The following SLC22A5 variants were observed in gnomAD, a reference collection of about 807,000 sequenced individuals.
SLC22A5 encodes the protein solute carrier family 22 member 5, also known as organic cation/carnitine transporter 2.
Under a neutral mutation model 56.7 loss-of-function variants are expected in SLC22A5, and 44 were observed. The ratio of observed to expected loss-of-function variants is 0.78; its 90% CI spans 0.61 to 1.00. SLC22A5 has a LOEUF of 1.00. SLC22A5 is among the 50% of genes least tolerant of loss of function. The pLI, the probability that SLC22A5 is intolerant of heterozygous loss-of-function variation, is 0.00. For missense variants in SLC22A5, 675 were observed against 723.0 expected (o/e 0.93, Z 0.76); for synonymous variants, 278 against 292.1 (o/e 0.95, Z 0.49).
intron 1 of SLC22A5, among the ~76,000 whole-genome samples, chr5:132,371,548 A>G (rs868766219): frequency 3.9e-5 from 6 of 152,150 alleles, no homozygotes; most frequent in Non-Finnish European, 8.8e-5. Flanking sequence ...TTTTTTAGAC[A>G]CTGGCACTCT....
chr5:132,391,513 CAGAA>C (rs1752701257), intron 7 of SLC22A5, among the ~76,000 whole-genome samples: 1 of 152,110 alleles, frequency 6.6e-6, no homozygotes, highest in Admixed American at 6.5e-5. Context: ...CATAAAGTGA[CAGAA>C]AGCCCTGAAA....
At chr5:132,393,312 A>G (rs1177703977) in intron 8 of SLC22A5, among the ~76,000 whole-genome samples, 1 of 152,192 alleles carries the variant, frequency 6.6e-6, no homozygotes, top group Non-Finnish European at 1.5e-5. Context: ...GAGGTGGAAG[A>G]GTTATTTCCA....
Position 132,370,270 on chromosome 5 carries a change from G to C in SLC22A5, c.298G>C (p.Gly100Arg), listed in dbSNP as rs779263168. The C allele has an allele frequency of 4.4e-6, 7 of 1,596,162 alleles. No homozygotes were observed. Among genetic ancestry groups the C allele is most frequent in the Middle Eastern group, 1.7e-4 (1 of 6,050 alleles). Residue 100 changes from glycine to arginine, a missense_variant, in exon 1 of 10, where the codon GGG becomes CGG. By Grantham distance (125) the Gly-to-Arg change is moderately radical. Coordinates refer to ENST00000245407, the MANE Select transcript of SLC22A5 (RefSeq NM_003060.4). ...ANFSALGLEP[G>R]RDVDLGQLEQ... Reference sequence around the variant, plus strand: ...CTTCTCGGCGCTTGGGCTGGAGCCGGGGCGCGACGTGGACCTGGGGCAGCT... The same window carrying C: ...CTTCTCGGCGCTTGGGCTGGAGCCGCGGCGCGACGTGGACCTGGGGCAGCT...
intron 6 of SLC22A5, chr5:132,390,489 G>T: frequency 1.5e-6 from 1 of 664,366 alleles, no homozygotes; most frequent in Non-Finnish European, 2.7e-6. Context: ...ACTGGCGCAG[G>T]GTTTACACTG....
intron 8 of SLC22A5, 43 bp from the exon 9 acceptor site, chr5:132,393,633 T>A (rs1331010096): frequency 1.2e-6 from 2 of 1,613,028 alleles, no homozygotes; most frequent in Non-Finnish European, 1.7e-6. Context: ...AGACCAAGTC[T>A]AACTGCAGCC....
At chr5:132,394,131 T>G in intron 9 of SLC22A5, 54 bp from the exon 10 acceptor site, 1 of 1,137,548 alleles carries the variant, frequency 8.8e-7, no homozygotes, top group Non-Finnish European at 1.3e-6. Context: ...GTTTGGAGAC[T>G]GGGAGGCATC....
intron 6 of SLC22A5, chr5:132,389,247 A>C (rs1403116913): frequency 3.8e-6 from 2 of 528,344 alleles, no homozygotes; most frequent in Non-Finnish European, 6.9e-6. Flanking sequence ...GTTGTGGGAA[A>C]TATGGACTCT....
rs977581326 is a variant in SLC22A5 at position 132,395,492 on chromosome 5, A to G, written c.*1220A>G. 1 of 152,808 alleles carries G rather than the reference A, an allele frequency of 6.5e-6. No individual in the cohort carries two copies. The highest frequency in any genetic ancestry group is 1.5e-5 in the Non-Finnish European group (1 of 68,036). The allele number at this position is 152,808 out of a possible 1,614,324, so 9.5% of individuals were successfully genotyped here. ...TCTTCTCTTTGCTGATTATGTTACC[A>G]TGGTACTCCTAAAGCATATGCCTCA... On this transcript the variant is annotated 3_prime_UTR_variant, in exon 10 of 10. Transcript: ENST00000245407.
At chr5:132,370,434 C>G in intron 1 of SLC22A5, 69 bp downstream of exon 1, 1 of 1,528,324 alleles carries the variant, frequency 6.5e-7, no homozygotes, top group Non-Finnish European at 8.9e-7. Context: ...TGAACCCGAG[C>G]TCCTCTCTCC....
chr5:132,374,389 A>G (rs989522134), intron 1 of SLC22A5, among the ~76,000 whole-genome samples: 36 of 152,060 alleles, frequency 2.4e-4, no homozygotes, highest in Admixed American at 6.5e-5. Flanking sequence ...AGAGACAGAT[A>G]GTCTTAGAAG....
rs774293063 is a variant in SLC22A5 at position 132,370,221 on chromosome 5, C to T, written c.249C>T (p.Arg83=). ...GCGAGGTGCCCCACAGCTGCCGCCG[C>T]TACCGGCTCGCCACCATCGCCAACT... ...DGREVPHSCR[R]YRLATIANFS... Residue 83 remains arginine (R), a synonymous_variant, in exon 1 of 10, where the codon CGC becomes CGT. Coordinates refer to ENST00000245407, the MANE Select transcript of SLC22A5 (RefSeq NM_003060.4). The T allele has an allele frequency of 6.3e-7, 1 of 1,580,034 alleles. No homozygotes were observed. Among genetic ancestry groups the T allele is most frequent in the South Asian group, 1.1e-5 (1 of 87,816 alleles).
chr5:132,378,234 A>C (rs1167803582), intron 1 of SLC22A5, 144 bp from the exon 2 acceptor site: 1 of 1,613,964 alleles, frequency 6.2e-7, no homozygotes, highest in Admixed American at 1.7e-5. Flanking sequence ...CTTCCTGCCC[A>C]GGTGAGCCAT....
chr5:132,375,448 G>A (rs1329107778), intron 1 of SLC22A5, among the ~76,000 whole-genome samples: 6 of 152,128 alleles, frequency 3.9e-5, no homozygotes, highest in Non-Finnish European at 7.4e-5. Context: ...CATCCCCTCA[G>A]GGAAGAACTT....
At chr5:132,374,764 A>T (rs1235318525) in intron 1 of SLC22A5, among the ~76,000 whole-genome samples, 1 of 152,016 alleles carries the variant, frequency 6.6e-6, no homozygotes. Flanking sequence ...GAGCCAAAAA[A>T]AAAAAAAATG....
intron 8 of SLC22A5, 81 bp from the exon 9 acceptor site, chr5:132,393,595 G>C: frequency 6.7e-7 from 1 of 1,500,908 alleles, no homozygotes; most frequent in Non-Finnish European, 9.3e-7. Flanking sequence ...CCCTTCCAGA[G>C]TCCTGGGAGC....
chr5:132,394,476 G>T lies in SLC22A5; in HGVS notation c.*204G>T. On this transcript the variant is annotated 3_prime_UTR_variant, in exon 10 of 10. Coordinates refer to ENST00000245407, the MANE Select transcript of SLC22A5 (RefSeq NM_003060.4). ...ACCACCTTCCTCTAGGGACACTGGG[G>T]CTACCTACAGACAACTTCATCTAAG... The T allele has an allele frequency of 3.3e-6, 2 of 607,984 alleles. No individual in the cohort carries two copies. 37.7% of individuals were successfully genotyped at this position (607,984 alleles called of 1,614,324 possible).
intron 4 of SLC22A5, among the ~76,000 whole-genome samples, chr5:132,385,932 A>AG (rs1474051670): frequency 6.6e-6 from 1 of 152,246 alleles, no homozygotes; most frequent in African/African-American, 2.4e-5. Flanking sequence ...ACCAAGGTAG[A>AG]GGAGTTGAAC....
chr5:132,392,490 C>T lies in SLC22A5; in HGVS notation c.1325C>T (p.Ala442Val), dbSNP rs760819971. The T allele has an allele frequency of 3.9e-5, 63 of 1,614,074 alleles. No individual in the cohort carries two copies. The highest frequency in any genetic ancestry group is 4.6e-5 in the Non-Finnish European group (54 of 1,180,024). The change falls in exon 8 of 10, where the codon GCC (alanine) becomes GTC (valine). Residue 442 changes from alanine to valine, a missense_variant. Ala to Val is a moderately conservative substitution (Grantham distance 64). Transcript: ENST00000245407. ...GTGGGCAAGTTTGGAGTCACGGCTG[C>T]CTTTTCCATGGTCTACGTGTACACA... ...VMVGKFGVTAAFSMVYVYTAE... is the reference protein window; with the variant it reads ...VMVGKFGVTAVFSMVYVYTAE...
At chr5:132,391,386 G>A (rs1408448048) in intron 7 of SLC22A5, among the ~76,000 whole-genome samples, 1 of 152,130 alleles carries the variant, frequency 6.6e-6, no homozygotes. Context: ...TAAATAAAAT[G>A]CTTAATATAG....
Sources: allele counts gnomAD v4.1 joint callset (sites outside exome capture counted in the v4.1 genomes callset), GRCh38; gene constraint gnomAD v4.1.1; transcripts MANE v1.5; gene names NCBI Gene and HGNC (gene_info 2026-07-23, HGNC 2026-07-21).